MAST4: variants seen among roughly 807,000 people sequenced by gnomAD.
MAST4 encodes microtubule associated serine/threonine kinase family member 4.
In MAST4, 89 loss-of-function variants were observed where a neutral mutation model predicts 162.7. The ratio of observed to expected loss-of-function variants is 0.55; its 90% CI spans 0.46 to 0.65. The LOEUF (loss-of-function observed/expected upper bound fraction) is 0.65, where lower values mean the gene tolerates loss of function less well. MAST4 is among the 30% of genes least tolerant of loss of function. The pLI is 0.00. For synonymous variants in MAST4, 1,479 were observed against 1,361.1 expected, an observed-to-expected ratio of 1.09 and a Z score of -1.91; for missense variants, 3,153 against 3,374.0, an observed-to-expected ratio of 0.93 and a Z score of 1.62.
At chr5:66,968,696 A>ATGT (rs1437799707) in intron 4 of MAST4, among the ~76,000 whole-genome samples, 1 of 152,236 alleles carries the variant, frequency 6.6e-6, no homozygotes, top group Non-Finnish European at 1.5e-5. Flanking sequence ...TATAGAAGGT[A>ATGT]TGTTTTGAGA....
chr5:66,630,573 T>C (rs180993270), intron 1 of MAST4, among the ~76,000 whole-genome samples: 3 of 152,314 alleles, frequency 2.0e-5, no homozygotes, highest in Admixed American at 2.0e-4. Context: ...AGAGTTTATG[T>C]TGAAATTTAA....
intron 2 of MAST4, among the ~76,000 whole-genome samples, chr5:66,762,259 TA>T (rs35176103): frequency 4.9e-4 from 74 of 150,038 alleles, no homozygotes; most frequent in East Asian, 2.1e-3. Context: ...TTAGAAGAGC[TA>T]AAAAAAAAAT....
intron 4 of MAST4, among the ~76,000 whole-genome samples, chr5:66,961,625 A>C (rs780459395): frequency 6.6e-6 from 1 of 152,210 alleles, no homozygotes; most frequent in Non-Finnish European, 1.5e-5. Context: ...TGAGAAAGGT[A>C]GATTTTTTTG....
At chr5:66,863,990 A>C (rs1035393256) in intron 3 of MAST4, among the ~76,000 whole-genome samples, 2 of 152,180 alleles carry the variant, frequency 1.3e-5, no homozygotes, top group Non-Finnish European at 2.9e-5. Context: ...TCCTGACTGA[A>C]ACACTGTGTG....
chr5:67,026,969 C>T (rs1239117415), intron 4 of MAST4, among the ~76,000 whole-genome samples: 1 of 151,724 alleles, frequency 6.6e-6, no homozygotes, highest in African/African-American at 2.4e-5. Flanking sequence ...TGTAAAAATC[C>T]AAATATATCA....
At chr5:66,864,716 G>A (rs934834520) in intron 3 of MAST4, among the ~76,000 whole-genome samples, 1 of 151,318 alleles carries the variant, frequency 6.6e-6, no homozygotes, top group African/African-American at 2.4e-5. Flanking sequence ...GGAGAAGACC[G>A]CCATCTAGAG....
chr5:66,723,111 T>A (rs1270595660), intron 1 of MAST4, among the ~76,000 whole-genome samples: 2 of 152,146 alleles, frequency 1.3e-5, no homozygotes, highest in African/African-American at 4.8e-5. Flanking sequence ...GGAGGTGATA[T>A]GAATATTTAC....
At chr5:66,744,284 T>C (rs1397753376) in intron 1 of MAST4, among the ~76,000 whole-genome samples, 8 of 152,194 alleles carry the variant, frequency 5.3e-5, no homozygotes, top group Non-Finnish European at 1.0e-4. Flanking sequence ...TCGTGACTCA[T>C]GTTTCTTAAG....
chr5:66,801,846 C>G (rs72761251), intron 3 of MAST4, among the ~76,000 whole-genome samples: 36,367 of 152,100 alleles, frequency 0.24, 5,655 homozygotes, highest in Non-Finnish European at 0.35. Context: ...ATCATACCAT[C>G]ACTTTTTGTG....
At chr5:66,659,999 C>T (rs535208122) in intron 1 of MAST4, among the ~76,000 whole-genome samples, 1 of 151,916 alleles carries the variant, frequency 6.6e-6, no homozygotes, top group African/African-American at 2.4e-5. Flanking sequence ...ATGTGGTTCA[C>T]TGCTATATGT....
intron 1 of MAST4, among the ~76,000 whole-genome samples, chr5:66,629,358 C>T (rs1180047892): frequency 6.6e-6 from 1 of 152,164 alleles, no homozygotes; most frequent in Non-Finnish European, 1.5e-5. Context: ...ACATTTAATA[C>T]CTGTGCAGTT....
intron 1 of MAST4, among the ~76,000 whole-genome samples, chr5:66,599,786 G>A (rs1258698404): frequency 6.6e-6 from 1 of 152,198 alleles, no homozygotes; most frequent in Non-Finnish European, 1.5e-5. Context: ...ACAAGGCGAT[G>A]TGAGTGTAAT....
chr5:67,055,999 G>GATATATATAT (rs59787536), intron 5 of MAST4, among the ~76,000 whole-genome samples: 76 of 145,516 alleles, frequency 5.2e-4, no homozygotes, highest in South Asian at 1.7e-3. Context: ...TTTGTTTAGG[G>GATATATATAT]ATATATATAT....
intron 1 of MAST4, among the ~76,000 whole-genome samples, chr5:66,734,129 T>A (rs1045484961): frequency 2.6e-5 from 4 of 152,226 alleles, no homozygotes; most frequent in Non-Finnish European, 5.9e-5. Flanking sequence ...ATGTCACCTC[T>A]GCATTTTAAA....
intron 6 of MAST4, among the ~76,000 whole-genome samples, chr5:67,091,807 A>C (rs142129789): frequency 4.7e-4 from 71 of 151,652 alleles, no homozygotes; most frequent in African/African-American, 1.6e-3. Context: ...AAAATACATA[A>C]CCCCCCCAGG....
intron 8 of MAST4, 166 bp from the exon 9 acceptor site, chr5:67,102,370 T>C: frequency 2.9e-6 from 2 of 691,960 alleles, no homozygotes; most frequent in Non-Finnish European, 5.3e-6. Flanking sequence ...TATGGGAATG[T>C]ATGTGTGCAT....
chr5:66,735,905 C>T (rs1189187720), intron 1 of MAST4, among the ~76,000 whole-genome samples: 2 of 152,142 alleles, frequency 1.3e-5, no homozygotes, highest in African/African-American at 4.8e-5. Flanking sequence ...TCTTTTTAAG[C>T]AGAAGGAATC....
At chr5:66,858,064 C>T (rs1312440038) in intron 3 of MAST4, among the ~76,000 whole-genome samples, 1 of 152,118 alleles carries the variant, frequency 6.6e-6, no homozygotes, top group Non-Finnish European at 1.5e-5. Context: ...TCAACTGATT[C>T]TTCTACTTCA....
At chr5:67,018,614 T>C (rs1753606437) in intron 4 of MAST4, among the ~76,000 whole-genome samples, 1 of 151,968 alleles carries the variant, frequency 6.6e-6, no homozygotes, top group Non-Finnish European at 1.5e-5. Flanking sequence ...AATTTGGGGG[T>C]GTTTATTGGG....
Sources: gnomAD v4.1 joint callset for allele counts (sites outside exome capture counted in the v4.1 genomes callset) on GRCh38, gnomAD v4.1.1 for gene constraint, MANE v1.5 for transcripts, NCBI Gene and HGNC (gene_info 2026-07-23, HGNC 2026-07-21) for gene names.